Variants in COL4A3 observed in about 807,000 individuals in gnomAD.
COL4A3 encodes collagen type IV alpha 3 chain, also known as collagen alpha-3(IV) chain.
A neutral mutation model predicts 217.4 loss-of-function variants in COL4A3; 135 were observed. That is an observed-to-expected ratio of 0.62 (90% CI 0.54 to 0.72). COL4A3 has a LOEUF of 0.72. Ranked by LOEUF, COL4A3 falls within the 30% of genes least tolerant of loss-of-function variation. The pLI, the probability that COL4A3 is intolerant of heterozygous loss-of-function variation, is 0.00. For missense variants in COL4A3, 1,868 were observed against 2,119.9 expected (o/e 0.88, Z 2.33); for synonymous variants, 690 against 736.3 (o/e 0.94, Z 1.02).
chr2:227,298,903 G>A, intron 43 of COL4A3, 91 bp downstream of exon 43: 1 of 1,224,432 alleles, frequency 8.2e-7, no homozygotes, highest in Non-Finnish European at 1.1e-6. Context: ...TATTGTTGAT[G>A]TTAACTGTAT....
At chr2:227,234,140 T>C (rs2068560743) in intron 1 of COL4A3, among the ~76,000 whole-genome samples, 1 of 152,004 alleles carries the variant, frequency 6.6e-6, no homozygotes, top group South Asian at 2.1e-4. Context: ...GCAGTCTACT[T>C]TTGAATGATT....
intron 44 of COL4A3, 67 bp from the exon 45 acceptor site, chr2:227,303,792 T>C: frequency 6.8e-7 from 1 of 1,474,440 alleles, no homozygotes; most frequent in Admixed American, 1.7e-5. Context: ...GAGTCAATCA[T>C]CAACCTGAAG....
chr2:227,297,056 A>G (rs1201735369), intron 41 of COL4A3, among the ~76,000 whole-genome samples: 1 of 152,172 alleles, frequency 6.6e-6, no homozygotes, highest in Non-Finnish European at 1.5e-5. Flanking sequence ...ACCTTTTTGG[A>G]GGGTCTTTGG....
At chr2:227,281,373 AT>A (rs1292137583) in intron 31 of COL4A3, among the ~76,000 whole-genome samples, 16 of 152,222 alleles carry the variant, frequency 1.1e-4, no homozygotes, top group Non-Finnish European at 2.2e-4. Context: ...GTTTATCCTT[AT>A]TATTAAAATA....
At position 227,284,258 on chromosome 2, in the gene COL4A3, G is replaced by A; in HGVS notation, c.2794G>A (p.Ala932Thr). The change falls in exon 34 of 52, where the codon GCC (alanine) becomes ACC (threonine). Residue 932 changes from alanine (A) to threonine (T), a missense_variant. Physicochemically the swap from Ala to Thr is moderately conservative, Grantham distance 58. Coordinates refer to ENST00000396578, the MANE Select transcript of COL4A3 (RefSeq NM_000091.5). ...AAAGGGCCAGAGAGGAACCCCAGGA[G>A]CCAAGGGGGAACAAGGAGATAAAGG... Reference protein sequence around the residue: ...GVKGQRGTPGAKGEQGDKGNP... With the variant: ...GVKGQRGTPGTKGEQGDKGNP... The A allele has an allele frequency of 6.2e-7, 1 of 1,614,060 alleles. No individual in the cohort carries two copies. Among genetic ancestry groups the A allele is most frequent in the Non-Finnish European group, 8.5e-7 (1 of 1,179,950 alleles).
chr2:227,289,060 C>A, intron 34 of COL4A3, 90 bp from the exon 35 acceptor site: 4 of 879,090 alleles, frequency 4.6e-6, no homozygotes, highest in Non-Finnish European at 3.6e-6. Context: ...AAGTGATTTT[C>A]CTGCCTCAGC....
chr2:227,288,776 A>G (rs4325739), intron 34 of COL4A3, among the ~76,000 whole-genome samples: 113,653 of 152,044 alleles, frequency 0.75, 44,328 homozygotes, highest in Non-Finnish European at 0.87. Context: ...AATGCTTGAC[A>G]CATATTATTT....
intron 1 of COL4A3, among the ~76,000 whole-genome samples, chr2:227,227,260 A>AC (rs2068148992): frequency 6.6e-6 from 1 of 151,900 alleles, no homozygotes; most frequent in Non-Finnish European, 1.5e-5. Context: ...GGAGAAACAT[A>AC]CCCCTCCTCC....
rs1237364255 is a variant in COL4A3, at chr2:227,246,286, C to G, written c.387+270C>G. ...TGAGGCTGTGTGTATAAATCAGAAA[C>G]CAAAGCTTTGAGTGCAGAATTAGTT... On this transcript the variant is annotated intron_variant, in intron 6 of 51. Transcript: ENST00000396578. The G allele has an allele frequency of 7.5e-6, 4 of 533,744 alleles. No homozygotes were observed. The African/African-American group carries it at 7.6e-5, about 10-fold the overall frequency. The allele number at this position is 533,744 out of a possible 1,614,324, so 33.1% of individuals were successfully genotyped here. A position where few individuals can be genotyped will look rare whatever the true frequency, so the allele number is the denominator to read the frequency against.
chr2:227,311,158 T>C (rs1329114214), intron 51 of COL4A3, among the ~76,000 whole-genome samples: 1 of 152,240 alleles, frequency 6.6e-6, no homozygotes, highest in Non-Finnish European at 1.5e-5. Flanking sequence ...ATCTCTCATC[T>C]GAATTTACTG....
intron 1 of COL4A3, among the ~76,000 whole-genome samples, chr2:227,177,795 T>A (rs1458843247): frequency 1.3e-5 from 2 of 152,176 alleles, no homozygotes; most frequent in African/African-American, 4.8e-5. Context: ...ACACTGTCTA[T>A]GCTCCCTGCC....
At chr2:227,289,765 G>C (rs1350436500) in intron 35 of COL4A3, among the ~76,000 whole-genome samples, 1 of 152,140 alleles carries the variant, frequency 6.6e-6, no homozygotes, top group Non-Finnish European at 1.5e-5. Flanking sequence ...GTCCTAGGAT[G>C]ATTTTAGTGT....
intron 1 of COL4A3, among the ~76,000 whole-genome samples, chr2:227,198,096 G>A (rs560035239): frequency 2.4e-4 from 36 of 152,200 alleles, no homozygotes; most frequent in Non-Finnish European, 4.7e-4. Flanking sequence ...GAGAGGCCCC[G>A]CTTGCCAGCT....
At chr2:227,232,535 T>C (rs2068462331) in intron 1 of COL4A3, among the ~76,000 whole-genome samples, 1 of 152,200 alleles carries the variant, frequency 6.6e-6, no homozygotes, top group Admixed American at 6.5e-5. Flanking sequence ...CCAGCATTTG[T>C]TATTGACTGT....
At chr2:227,228,899 A>G (rs980339451) in intron 1 of COL4A3, among the ~76,000 whole-genome samples, 1 of 152,192 alleles carries the variant, frequency 6.6e-6, no homozygotes, top group Non-Finnish European at 1.5e-5. Context: ...ATCCATGTCA[A>G]GTCAATGAGT....
rs749751219 is a variant in COL4A3, at chr2:227,276,429, C to G, written c.1972C>G (p.Pro658Ala). The stretch of plus-strand genomic sequence containing the variant: ...TGTTTCAACACCAGTTCCAGGCCCA[C>G]CAGGACCTCCAGGGCCCCCTGGCCA... ...LSVSTPVPGPPGPPGPPGHPG... is the reference protein window; with the variant it reads ...LSVSTPVPGPAGPPGPPGHPG... The change falls in exon 27 of 52, where the codon CCA becomes GCA. Residue 658 changes from proline to alanine, a missense_variant. Physicochemically the swap from Pro to Ala is conservative, Grantham distance 27. Around this residue, in one of 2 missense-constraint regions of COL4A3, gnomAD observed 1,503 missense variants for 1,786.1 expected, o/e 0.84. Coordinates refer to ENST00000396578, the MANE Select transcript of COL4A3 (RefSeq NM_000091.5). 6.2e-7 allele frequency: 1 copy of G among 1,614,220 alleles called. No individual in the cohort carries two copies. Among genetic ancestry groups the G allele is most frequent in the South Asian group, 1.1e-5 (1 of 91,086 alleles).
intron 1 of COL4A3, among the ~76,000 whole-genome samples, chr2:227,205,478 A>G (rs929064247): frequency 2.0e-5 from 3 of 152,190 alleles, no homozygotes; most frequent in Non-Finnish European, 4.4e-5. Context: ...CTTCTATAGT[A>G]TCTCATAGTT....
intron 1 of COL4A3, among the ~76,000 whole-genome samples, chr2:227,220,162 G>GTGTGTA (rs2067711172): frequency 6.9e-6 from 1 of 145,520 alleles, no homozygotes; most frequent in South Asian, 2.2e-4. Flanking sequence ...GTGTGTGTGT[G>GTGTGTA]TGTTTCAGAG....
At chr2:227,172,581 C>CTTTTTTTTTTTTTTTTTT (rs11315628) in intron 1 of COL4A3, among the ~76,000 whole-genome samples, 1 of 73,596 alleles carries the variant, frequency 1.4e-5, no homozygotes, top group African/African-American at 5.7e-5. Context: ...TCGTCTTCTT[C>CTTTTTTTTTTTTTTTTTT]TTTTTTTTTT....
Sources: gnomAD v4.1 joint callset for allele counts (sites outside exome capture counted in the v4.1 genomes callset) on GRCh38, gnomAD v4.1.1 for gene constraint, gnomAD v4.1.1 regional missense constraint, MANE v1.5 for transcripts, NCBI Gene and HGNC (gene_info 2026-07-23, HGNC 2026-07-21) for gene names.